The following PRKG1 variants were observed in gnomAD, a reference collection of about 807,000 sequenced individuals.
PRKG1 encodes the protein protein kinase cGMP-dependent 1.
Under a neutral mutation model 88.1 loss-of-function variants are expected in PRKG1, and 35 were observed. That is an observed-to-expected ratio of 0.40 (90% confidence interval 0.30 to 0.53). The LOEUF is 0.53. Among genes scored for constraint, PRKG1 ranks in the 20% least tolerant of loss-of-function variants. PRKG1 has a pLI of 0.59. For missense variants in PRKG1, 540 were observed against 839.8 expected (o/e 0.64, Z 4.41); for synonymous variants, 303 against 292.5 (o/e 1.04, Z -0.37).
intron 3 of PRKG1, among the ~76,000 whole-genome samples, chr10:51,651,859 G>A (rs568443072): frequency 6.6e-6 from 1 of 152,198 alleles, no homozygotes; most frequent in East Asian, 1.9e-4. Flanking sequence ...TGGGATTACA[G>A]GTATGAGCCA....
chr10:51,256,401 T>C (rs115260612), intron 2 of PRKG1, among the ~76,000 whole-genome samples: 1,930 of 152,280 alleles, frequency 0.013, 36 homozygotes, highest in African/African-American at 0.043. Context: ...CCAAGATGAA[T>C]GTACTGTACT....
chr10:51,818,098 G>A (rs1052602852), intron 4 of PRKG1, among the ~76,000 whole-genome samples: 8 of 152,096 alleles, frequency 5.3e-5, no homozygotes, highest in African/African-American at 1.9e-4. Flanking sequence ...CTGAAAATAT[G>A]CAGAATTCTA....
intron 9 of PRKG1, among the ~76,000 whole-genome samples, chr10:52,171,082 T>C (rs1838657738): frequency 6.6e-6 from 1 of 152,052 alleles, no homozygotes; most frequent in African/African-American, 2.4e-5. Context: ...GGGGTTGCTG[T>C]TTTGAACATG....
chr10:52,037,761 G>A lies in PRKG1; in HGVS notation c.763-16723G>A, dbSNP rs565967530. Among the ~76,000 whole-genome samples, 8 of 152,300 alleles carry A rather than the reference G, an allele frequency of 5.3e-5. No individual in the cohort carries two copies. In the East Asian group the frequency reaches 1.4e-3, roughly 26 times the overall value. On this transcript the variant is annotated intron_variant, in intron 5 of 17. Coordinates refer to ENST00000373980, the MANE Select transcript of PRKG1 (RefSeq NM_006258.4). Reference sequence around the variant, plus strand: ...AGGGGAGGTGATGAAAAGATTATAGGGTGGAGGAGCAGAGGCTGAGGAAGA... The same window carrying A: ...AGGGGAGGTGATGAAAAGATTATAGAGTGGAGGAGCAGAGGCTGAGGAAGA...
intron 3 of PRKG1, among the ~76,000 whole-genome samples, chr10:51,793,659 C>G (rs140123240): frequency 4.7e-4 from 72 of 152,174 alleles, no homozygotes; most frequent in African/African-American, 1.6e-3. Flanking sequence ...ATAACATATA[C>G]AAGAATTCCA....
At chr10:52,222,121 C>A (rs1840259540) in intron 9 of PRKG1, among the ~76,000 whole-genome samples, 1 of 152,098 alleles carries the variant, frequency 6.6e-6, no homozygotes, top group Admixed American at 6.5e-5. Flanking sequence ...GTAAACACTC[C>A]TTGATGTTCC....
chr10:51,058,498 C>T (rs2666543), intron 1 of PRKG1, among the ~76,000 whole-genome samples: 41,187 of 151,908 alleles, frequency 0.27, 5,875 homozygotes, highest in African/African-American at 0.35. Flanking sequence ...CAGAGTAGTA[C>T]ATTTGTTACA....
At chr10:52,149,818 A>G (rs1183525998) in intron 8 of PRKG1, among the ~76,000 whole-genome samples, 1 of 149,754 alleles carries the variant, frequency 6.7e-6, no homozygotes, top group Non-Finnish European at 1.5e-5. Context: ...ACAATAGGAG[A>G]AAGAGGTGAC....
intron 3 of PRKG1, among the ~76,000 whole-genome samples, chr10:51,745,096 C>T (rs1260211294): frequency 6.6e-6 from 1 of 152,122 alleles, no homozygotes; most frequent in Non-Finnish European, 1.5e-5. Flanking sequence ...ATTATCAAAA[C>T]ATTCTAAAGA....
chr10:51,027,940 T>C (rs1447153653), intron 1 of PRKG1, among the ~76,000 whole-genome samples: 2 of 152,190 alleles, frequency 1.3e-5, no homozygotes, highest in African/African-American at 2.4e-5. Context: ...GTTGTAATAA[T>C]TATATACAGC....
intron 1 of PRKG1, among the ~76,000 whole-genome samples, chr10:51,006,669 A>G (rs1842943562): frequency 6.6e-6 from 1 of 151,882 alleles, no homozygotes; most frequent in Admixed American, 6.6e-5. Flanking sequence ...TTTCTTTTCC[A>G]TCCATGGTGT....
chr10:51,749,012 G>A lies in PRKG1; in HGVS notation c.593-55573G>A, dbSNP rs186903118. On this transcript the variant is annotated intron_variant, in intron 3 of 17. Coordinates refer to ENST00000373980, the MANE Select transcript of PRKG1 (RefSeq NM_006258.4). ...ATTTTACTGTTGCTTAATCTATATA[G>A]ATAGTGACTGTGGCTATTTCAAATA... Among the ~76,000 whole-genome samples, 25 of 152,274 alleles carry A rather than the reference G, an allele frequency of 1.6e-4. No individual in the cohort carries two copies. The East Asian group carries it at 4.3e-3, about 26-fold the overall frequency.
intron 3 of PRKG1, among the ~76,000 whole-genome samples, chr10:51,570,463 T>G (rs1400677377): frequency 6.6e-6 from 1 of 151,928 alleles, no homozygotes; most frequent in East Asian, 1.9e-4. Context: ...CCTCACTGCC[T>G]TCAAATTGAG....
intron 3 of PRKG1, among the ~76,000 whole-genome samples, chr10:51,530,852 C>T (rs1842000259): frequency 1.3e-5 from 2 of 152,174 alleles, no homozygotes; most frequent in South Asian, 4.1e-4. Context: ...GATGTTTGTT[C>T]TCTGTGCTGA....
chr10:51,953,330 A>G (rs1234228292), intron 5 of PRKG1, among the ~76,000 whole-genome samples: 1 of 152,146 alleles, frequency 6.6e-6, no homozygotes, highest in African/African-American at 2.4e-5. Context: ...TAGAGGTAGA[A>G]GTGACATGTG....
intron 5 of PRKG1, among the ~76,000 whole-genome samples, chr10:52,006,095 AC>A (rs1844728372): frequency 3.9e-5 from 3 of 77,106 alleles, no homozygotes; most frequent in Non-Finnish European, 5.3e-5. Context: ...AAACAAACAA[AC>A]AAACAAAAAA....
intron 1 of PRKG1, among the ~76,000 whole-genome samples, chr10:51,080,799 T>G (rs1844091054): frequency 6.6e-6 from 1 of 152,224 alleles, no homozygotes. Context: ...CTGACACCGG[T>G]TCTGCTTCCC....
chr10:52,020,250 C>G (rs1422899359), intron 5 of PRKG1, among the ~76,000 whole-genome samples: 1 of 152,088 alleles, frequency 6.6e-6, no homozygotes, highest in Non-Finnish European at 1.5e-5. Flanking sequence ...TCTTAACTGT[C>G]TCTCCAGTAG....
chr10:52,185,456 T>C (rs1839172872), intron 9 of PRKG1, among the ~76,000 whole-genome samples: 1 of 151,964 alleles, frequency 6.6e-6, no homozygotes, highest in African/African-American at 2.4e-5. Flanking sequence ...CTGTCATGGG[T>C]TAGGATAGAG....
Sources: allele counts gnomAD v4.1 joint callset (sites outside exome capture counted in the v4.1 genomes callset), GRCh38; gene constraint gnomAD v4.1.1; transcripts MANE v1.5; gene names NCBI Gene and HGNC (gene_info 2026-07-23, HGNC 2026-07-21).